GARIN4: variants seen among roughly 807,000 people sequenced by gnomAD.
GARIN4 encodes the protein Golgi-associated RAB2 interactor protein 4.
chr1:212,626,125 C>T, the GARIN4 span: 75 of 1,613,892 alleles, frequency 4.6e-5, no homozygotes, highest in Middle Eastern at 1.6e-4. Context: ...CCCAGGCCAG[C>T]GCTGAAGGCT....
At chr1:212,625,182 G>T in the GARIN4 span, 13 of 1,613,960 alleles carry the variant, frequency 8.1e-6, no homozygotes, top group Admixed American at 1.7e-4. Flanking sequence ...GCTGGACATG[G>T]CCAGGCCACC....
chr1:212,625,244 C>T, the GARIN4 span: 2 of 1,614,138 alleles, frequency 1.2e-6, no homozygotes, highest in Admixed American at 3.3e-5. Context: ...CAGGCTTCTG[C>T]CCCTGAGGTT....
At chr1:212,626,772 G>A in the GARIN4 span, 1 of 1,459,942 alleles carries the variant, frequency 6.8e-7, no homozygotes, top group Admixed American at 2.4e-5. Context: ...TCATACATCT[G>A]AAAGTGGCTT....
At chr1:212,625,989 C>A in the GARIN4 span, 1 of 1,614,190 alleles carries the variant, frequency 6.2e-7, no homozygotes, top group Admixed American at 1.7e-5. Flanking sequence ...GTGAGCCTGG[C>A]CATTGCAGGA....
At chr1:212,626,631 T>G in the GARIN4 span, 1 of 1,610,026 alleles carries the variant, frequency 6.2e-7, no homozygotes, top group Non-Finnish European at 8.5e-7. Context: ...ACACCGGACA[T>G]CATGGAGACA....
the GARIN4 span, chr1:212,626,461 T>C: frequency 6.2e-7 from 1 of 1,614,190 alleles, no homozygotes; most frequent in Non-Finnish European, 8.5e-7. Flanking sequence ...GGGTCAGCTC[T>C]TTCCTGAGGA....
the GARIN4 span, chr1:212,625,906 T>C: frequency 1.2e-6 from 2 of 1,614,214 alleles, no homozygotes; most frequent in Non-Finnish European, 1.7e-6. Flanking sequence ...CGAAGGTGGC[T>C]GTGGCAGGGG....
At chr1:212,625,467 T>C in the GARIN4 span, 1 of 1,614,156 alleles carries the variant, frequency 6.2e-7, no homozygotes, top group Non-Finnish European at 8.5e-7. Flanking sequence ...TGGATGCCTG[T>C]GTTTCAGGAA....
the GARIN4 span, chr1:212,625,798 G>C: frequency 6.2e-7 from 1 of 1,614,204 alleles, no homozygotes; most frequent in South Asian, 1.1e-5. Flanking sequence ...CCCCTGGACA[G>C]GTGAGCGCAG....
the GARIN4 span, chr1:212,624,664 C>G: frequency 1.3e-6 from 1 of 796,054 alleles, no homozygotes; most frequent in South Asian, 2.3e-5. Flanking sequence ...CTACAGCACC[C>G]CCCACAGCAA....
chr1:212,626,137 C>G, the GARIN4 span: 1 of 1,613,964 alleles, frequency 6.2e-7, no homozygotes, highest in East Asian at 2.2e-5. Flanking sequence ...CTGAAGGCTG[C>G]AAGGAGGGGA....
chr1:212,624,746 G>A, the GARIN4 span: 2 of 1,426,294 alleles, frequency 1.4e-6, no homozygotes, highest in Non-Finnish European at 1.8e-6. Flanking sequence ...GTGGGGTGGG[G>A]TGGGATTGAG....
At chr1:212,625,515 AG>A in the GARIN4 span, 1 of 1,614,196 alleles carries the variant, frequency 6.2e-7, no homozygotes, top group Admixed American at 1.7e-5. Flanking sequence ...CTTCAAGGAA[AG>A]GGGGATCAGG....
the GARIN4 span, chr1:212,626,610 T>C: frequency 1.8e-5 from 29 of 1,613,214 alleles, no homozygotes; most frequent in Non-Finnish European, 2.5e-5. Flanking sequence ...CTGGAGACGG[T>C]TGGTTCTATG....
chr1:212,626,342 T>C, the GARIN4 span: 108 of 1,613,980 alleles, frequency 6.7e-5, no homozygotes, highest in Admixed American at 1.8e-3. Context: ...GCACAGGGAC[T>C]CGCATAAAGG....
At chr1:212,626,158 G>A in the GARIN4 span, 7 of 1,614,080 alleles carry the variant, frequency 4.3e-6, no homozygotes, top group African/African-American at 5.3e-5. Flanking sequence ...GGGAAAGAAG[G>A]GAAAAGGACA....
the GARIN4 span, chr1:212,625,053 T>G: frequency 6.2e-7 from 1 of 1,614,010 alleles, no homozygotes; most frequent in Non-Finnish European, 8.5e-7. Context: ...AGGGGAGAAG[T>G]GATTGATGTG....
At chr1:212,626,150 G>A in the GARIN4 span, 1 of 1,614,170 alleles carries the variant, frequency 6.2e-7, no homozygotes, top group East Asian at 2.2e-5. Context: ...GGAGGGGAGG[G>A]AAAGAAGGGA....
At chr1:212,625,717 AGCAGGGGCAGCT>A in the GARIN4 span, 11 of 1,613,862 alleles carry the variant, frequency 6.8e-6, no homozygotes, top group South Asian at 4.4e-5. Context: ...AGGCAGCAGC[AGCAGGGGCAGCT>A]GCAGGGGCAG....
Sources: allele counts gnomAD v4.1 joint callset, GRCh38; gene constraint gnomAD v4.1.1; transcripts MANE v1.5; gene names NCBI Gene and HGNC (gene_info 2026-07-23, HGNC 2026-07-21).